The following FGF19 variants were observed in gnomAD, a reference collection of about 807,000 sequenced individuals.
The protein encoded by FGF19 is FGF-19.
In FGF19, 5 loss-of-function variants were observed where a neutral mutation model predicts 8.9. That is an observed-to-expected ratio of 0.56 (90% CI 0.29 to 1.18). The LOEUF is 1.18. Ranked by LOEUF, FGF19 falls within the 50% of genes most tolerant of loss-of-function variation. The probability of loss-of-function intolerance (pLI) is 0.08; values close to 1 mark genes in which losing one functional copy is unlikely to be tolerated. For synonymous variants in FGF19, 124 were observed against 128.0 expected (o/e 0.97, Z 0.21); for missense variants, 237 against 293.9 (o/e 0.81, Z 1.42).
In FGF19 at chr11:69,702,417, A is replaced by C. The variant is rs1854783049; in HGVS notation, c.336+844T>G. On this transcript the variant is annotated intron_variant, in intron 2 of 2. Transcript: ENST00000294312. The surrounding 1 kb of genome is among the most constrained non-coding windows in gnomAD (Gnocchi z 4.6). ...CGCCCTGGCCCCTGCTCCGCCAGGG[A>C]GTCCGGGGCTGCGTGTGAGGCCTGC... Among the ~76,000 whole-genome samples, 1 of 152,020 alleles carries C rather than the reference A, an allele frequency of 6.6e-6. No homozygotes were observed. The highest frequency in any genetic ancestry group is 2.1e-4 in the South Asian group (1 of 4,826).
Position 69,703,676 on chromosome 11 carries a change from G to T in FGF19, c.201C>A (p.Val67=). Residue 67 remains valine (V), a synonymous_variant, in exon 1 of 3, where the codon GTC becomes GTA. Transcript: ENST00000294312. The surrounding 1 kb of genome is among the most constrained non-coding windows in gnomAD (Gnocchi z 6.8). ...CGCTCTGGCCCCGCGCGCAGTCCAC[G>T]ACGCCGTCGGCACGGATGCGCAGGA... ...SCFLRIRADG[V]VDCARGQSAH... is the part of the protein sequence containing the mutation. 2 of 1,232,622 alleles carry T rather than the reference G, an allele frequency of 1.6e-6. No individual in the cohort carries two copies. The highest frequency in any genetic ancestry group is 2.0e-6 in the Non-Finnish European group (2 of 988,644). 76.4% of individuals were successfully genotyped at this position (1,232,622 alleles called of 1,614,324 possible).
Position 69,699,318 on chromosome 11 carries a change from G to A in FGF19, c.595C>T (p.Pro199Ser), listed in dbSNP as rs2119905136. 2 of 1,614,132 alleles carry A rather than the reference G, an allele frequency of 1.2e-6. No individual in the cohort carries two copies. Among genetic ancestry groups the A allele is most frequent in the Non-Finnish European group, 1.7e-6 (2 of 1,180,012 alleles). The change falls in exon 3 of 3, where the codon CCA becomes TCA. Residue 199 changes from proline to serine, a missense_variant. Coordinates refer to ENST00000294312, the MANE Select transcript of FGF19 (RefSeq NM_005117.3). Reference sequence around the variant, plus strand: ...TCCAGTCCGGTGACAAGCCCAAATGGGTCCATGCTGTCGGTCTCCAGGGGC... The same window carrying A: ...TCCAGTCCGGTGACAAGCCCAAATGAGTCCATGCTGTCGGTCTCCAGGGGC... ...SSPLETDSMD[P>S]FGLVTGLEAV... is the part of the protein sequence containing the mutation.
chr11:69,700,382 A>C, intron 2 of FGF19, among the ~76,000 whole-genome samples: 1 of 152,120 alleles, frequency 6.6e-6, no homozygotes, highest in Non-Finnish European at 1.5e-5. Context: ...AAATTACCTC[A>C]CTTTTTCGAG....
rs568116446 is a variant in FGF19, at chr11:69,698,668, G to C, written c.*594C>G. On this transcript the variant is annotated 3_prime_UTR_variant, in exon 3 of 3. Transcript: ENST00000294312. ...GAATTCTCAAGTTGTCCCAGGGCTG[G>C]AGTGGGGCTCCAGGCTTCCCCTACT... is the stretch of plus-strand genomic sequence containing the variant. 1 of 197,396 alleles carries C rather than the reference G, an allele frequency of 5.1e-6. No individual in the cohort carries two copies. The highest frequency in any genetic ancestry group is 7.9e-5 in the East Asian group (1 of 12,646). 12.2% of individuals were successfully genotyped at this position (197,396 alleles called of 1,614,324 possible). A position where few individuals can be genotyped will look rare whatever the true frequency, so the allele number is the denominator to read the frequency against.
At position 69,703,982 on chromosome 11, in the gene FGF19, G is replaced by T; in HGVS notation, c.-106C>A. On this transcript the variant is annotated 5_prime_UTR_variant, in exon 1 of 3. Transcript: ENST00000294312. The surrounding 1 kb of genome is among the most constrained non-coding windows in gnomAD (Gnocchi z 6.8). ...CTGTGAGTGCCGGGTTGGGATGGTC[G>T]TGGCCCTAGATCCTGGACGCAGCGC... 1.5e-6 allele frequency: 1 copy of T among 661,550 alleles called. No homozygotes were observed. Among genetic ancestry groups the T allele is most frequent in the Non-Finnish European group, 2.2e-6 (1 of 464,568 alleles). The allele number at this position is 661,550 out of a possible 1,614,324, so 41.0% of individuals were successfully genotyped here.
At chr11:69,701,963 G>C in intron 2 of FGF19, among the ~76,000 whole-genome samples, 1 of 29,606 alleles carries the variant, frequency 3.4e-5, no homozygotes. Context: ...GCAAGACTCT[G>C]CCAAAAAAAA....
Position 69,704,019 on chromosome 11 carries a change from C to T in FGF19, c.-143G>A. Reference sequence around the variant, plus strand: ...CCTGGACGCAGCGCTCCTGCTCTGACGGCGCGGCGGCTCCGGGCCGGCAGC... The same window carrying T: ...CCTGGACGCAGCGCTCCTGCTCTGATGGCGCGGCGGCTCCGGGCCGGCAGC... On this transcript the variant is annotated 5_prime_UTR_variant, in exon 1 of 3. Transcript: ENST00000294312. 4.2e-6 allele frequency: 2 copies of T among 473,374 alleles called. No homozygotes were observed. Among genetic ancestry groups the T allele is most frequent in the Non-Finnish European group, 6.8e-6 (2 of 295,322 alleles). 29.3% of individuals were successfully genotyped at this position (473,374 alleles called of 1,614,324 possible). A position where few individuals can be genotyped will look rare whatever the true frequency, so the allele number is the denominator to read the frequency against.
At chr11:69,700,720 G>C (rs1854759337) in intron 2 of FGF19, among the ~76,000 whole-genome samples, 1 of 152,188 alleles carries the variant, frequency 6.6e-6, no homozygotes, top group Non-Finnish European at 1.5e-5. Context: ...AGTCACCAAG[G>C]GCCTTCCAGG....
chr11:69,703,013 T>C lies in FGF19; in HGVS notation c.336+248A>G, dbSNP rs932997378. 6.6e-5 allele frequency among the ~76,000 whole-genome samples: 10 copies of C among 152,180 alleles called. No homozygotes were observed. Among genetic ancestry groups the C allele is most frequent in the African/African-American group, 2.4e-4 (10 of 41,444 alleles). The stretch of plus-strand genomic sequence containing the variant: ...CCGGCTAGGCCGGCCTTTGACTCAA[T>C]TGGAAATGCAAAGGCAGCTTTTGCC... On this transcript the variant is annotated intron_variant, in intron 2 of 2. Transcript: ENST00000294312. This position sits in a 1 kb window ranked among gnomAD's most constrained non-coding sequence, Gnocchi z 6.8.
Position 69,703,277 on chromosome 11 carries a change from C to G in FGF19, c.320G>C (p.Gly107Ala), listed in dbSNP as rs1854797895. ...SVRYLCMGAD[G>A]KMQGLLQYSE... is the part of the protein sequence containing the mutation. ...GACACTTACCAGCCCCTGCATCTTG[C>G]CGTCGGCGCCCATGCAGAGGTACCG... The change falls in exon 2 of 3, where the codon GGC (glycine) becomes GCC (alanine). Residue 107 changes from glycine to alanine, a missense_variant. Transcript: ENST00000294312. This position sits in a 1 kb window ranked among gnomAD's most constrained non-coding sequence, Gnocchi z 6.8. The G allele has an allele frequency of 1.9e-6, 3 of 1,603,300 alleles. No homozygotes were observed. Among genetic ancestry groups the G allele is most frequent in the Non-Finnish European group, 2.6e-6 (3 of 1,175,356 alleles).
In FGF19 at chr11:69,698,524, A is replaced by T. The variant is rs1299612672; in HGVS notation, c.*738T>A. 3 of 188,930 alleles carry T rather than the reference A, an allele frequency of 1.6e-5. No homozygotes were observed. The highest frequency in any genetic ancestry group is 1.2e-4 in the Admixed American group (2 of 16,134). 11.7% of individuals were successfully genotyped at this position (188,930 alleles called of 1,614,324 possible). A position where few individuals can be genotyped will look rare whatever the true frequency, so the allele number is the denominator to read the frequency against. ...AAGGTGGGGGGCCTGGGAGGCCCCA[A>T]TCCATGGGGAGGCATGTGAGGTGGG... On this transcript the variant is annotated 3_prime_UTR_variant, in exon 3 of 3. Coordinates refer to ENST00000294312, the MANE Select transcript of FGF19 (RefSeq NM_005117.3).
intron 2 of FGF19, among the ~76,000 whole-genome samples, chr11:69,700,925 G>C (rs1489754434): frequency 6.6e-6 from 1 of 152,280 alleles, no homozygotes; most frequent in Non-Finnish European, 1.5e-5. Context: ...ACCCAGGACA[G>C]GCGCAGGCGG....
chr11:69,703,587 C>T lies in FGF19; in HGVS notation c.232+58G>A. ...GAAGGAAGGGCGCTGGGGTGGGGCG[C>T]GCGCAGCGGGGTGGGGTGCGCGCGG... is the stretch of plus-strand genomic sequence containing the variant. On this transcript the variant is annotated intron_variant, in intron 1 of 2. Transcript: ENST00000294312. The surrounding 1 kb of genome is among the most constrained non-coding windows in gnomAD (Gnocchi z 6.8). 1.2e-6 allele frequency: 1 copy of T among 840,410 alleles called. No homozygotes were observed. Among genetic ancestry groups the T allele is most frequent in the East Asian group, 4.0e-5 (1 of 25,188 alleles). 52.1% of individuals were successfully genotyped at this position (840,410 alleles called of 1,614,324 possible).
chr11:69,702,397 TGGC>T lies in FGF19; in HGVS notation c.336+861_336+863del, dbSNP rs1565087748. On this transcript the variant is annotated intron_variant, in intron 2 of 2. Transcript: ENST00000294312. This position sits in a 1 kb window ranked among gnomAD's most constrained non-coding sequence, Gnocchi z 4.6. ...CGGGCAGGCGCGGCCACCCCCGCCC[TGGC>T]CCCTGCTCCGCCAGGGAGTCCGGGG... Among the ~76,000 whole-genome samples, 1 of 152,138 alleles carries T rather than the reference TGGC, an allele frequency of 6.6e-6. No individual in the cohort carries two copies. The highest frequency in any genetic ancestry group is 1.5e-5 in the Non-Finnish European group (1 of 68,016).
chr11:69,700,759 C>T (rs1323632862), intron 2 of FGF19, among the ~76,000 whole-genome samples: 1 of 100,774 alleles, frequency 9.9e-6, no homozygotes, highest in Admixed American at 1.1e-4. Flanking sequence ...ATCTCAGCAG[C>T]CCCTCCCCCA....
Position 69,703,929 on chromosome 11 carries a change from TG to T in FGF19, c.-54del. 1 of 1,133,430 alleles carries T rather than the reference TG, an allele frequency of 8.8e-7. No individual in the cohort carries two copies. Among genetic ancestry groups the T allele is most frequent in the Non-Finnish European group, 1.1e-6 (1 of 894,460 alleles). 70.2% of individuals were successfully genotyped at this position (1,133,430 alleles called of 1,614,324 possible). On this transcript the variant is annotated 5_prime_UTR_variant, in exon 1 of 3. Coordinates refer to ENST00000294312, the MANE Select transcript of FGF19 (RefSeq NM_005117.3). This position sits in a 1 kb window ranked among gnomAD's most constrained non-coding sequence, Gnocchi z 6.8. ...CTCCGGCGATGGGGGTGCGGGAGGC[TG>T]GGCGGCGACCGGGATGCGCTGCGGG...
Position 69,702,201 on chromosome 11 carries a change from T to C in FGF19, c.336+1060A>G, listed in dbSNP as rs1467674265. Among the ~76,000 whole-genome samples the C allele has an allele frequency of 3.9e-5, 6 of 152,078 alleles. No homozygotes were observed. Among genetic ancestry groups the C allele is most frequent in the East Asian group, 1.9e-4 (1 of 5,160 alleles). Reference sequence around the variant, plus strand: ...CGACCACCCCCTTTCTCTGCAGTCCTCTCACGCAGGACTCCGCCATAAAAC... The same window carrying C: ...CGACCACCCCCTTTCTCTGCAGTCCCCTCACGCAGGACTCCGCCATAAAAC... On this transcript the variant is annotated intron_variant, in intron 2 of 2. Transcript: ENST00000294312. The surrounding 1 kb of genome is among the most constrained non-coding windows in gnomAD (Gnocchi z 4.6).
chr11:69,698,797 T>C lies in FGF19; in HGVS notation c.*465A>G, dbSNP rs924716966. 2 of 218,834 alleles carry C rather than the reference T, an allele frequency of 9.1e-6. No homozygotes were observed. The highest frequency in any genetic ancestry group is 1.9e-5 in the Non-Finnish European group (2 of 107,506). 13.6% of individuals were successfully genotyped at this position (218,834 alleles called of 1,614,324 possible). A position where few individuals can be genotyped will look rare whatever the true frequency, so the allele number is the denominator to read the frequency against. On this transcript the variant is annotated 3_prime_UTR_variant, in exon 3 of 3. Transcript: ENST00000294312. ...GTAGAGATATAGATCAATTCCCACA[T>C]GGGGTTGAGTGAAATTTACCTGCTG...
rs899059742 is a variant in FGF19 at position 69,703,908 on chromosome 11, G to A, written c.-32C>T. On this transcript the variant is annotated 5_prime_UTR_variant, in exon 1 of 3. Coordinates refer to ENST00000294312, the MANE Select transcript of FGF19 (RefSeq NM_005117.3). The surrounding 1 kb of genome is among the most constrained non-coding windows in gnomAD (Gnocchi z 6.8). ...TCCCTGGGGCTCTCGGCGCAGCTCC[G>A]GCGATGGGGGTGCGGGAGGCTGGGC... The A allele has an allele frequency of 8.3e-7, 1 of 1,211,234 alleles. No homozygotes were observed. Among genetic ancestry groups the A allele is most frequent in the Non-Finnish European group, 1.0e-6 (1 of 963,838 alleles). The allele number at this position is 1,211,234 out of a possible 1,614,324, so 75.0% of individuals were successfully genotyped here.
Sources: gnomAD v4.1 joint callset for allele counts (sites outside exome capture counted in the v4.1 genomes callset) on GRCh38, gnomAD v4.1.1 for gene constraint, Gnocchi (gnomAD v3.1) non-coding constraint, MANE v1.5 for transcripts, NCBI Gene and HGNC (gene_info 2026-07-23, HGNC 2026-07-21) for gene names.